The following GLCCI1 variants were observed in gnomAD, a reference collection of about 807,000 sequenced individuals.
GLCCI1 encodes glucocorticoid-induced transcript 1 protein.
Under a neutral mutation model 52.2 loss-of-function variants are expected in GLCCI1, and 24 were observed. That is an observed-to-expected ratio of 0.46 (90% CI 0.33 to 0.65). GLCCI1 has a LOEUF of 0.65. Among genes scored for constraint, GLCCI1 ranks in the 30% least tolerant of loss-of-function variants. The pLI, the probability that GLCCI1 is intolerant of heterozygous loss-of-function variation, is 0.02. For missense variants in GLCCI1, 704 were observed against 701.5 expected (o/e 1.00, Z -0.04); for synonymous variants, 310 against 276.5 (o/e 1.12, Z -1.20).
chr7:8,009,223 A>G (rs1012027743), intron 2 of GLCCI1, among the ~76,000 whole-genome samples: 2 of 152,230 alleles, frequency 1.3e-5, no homozygotes, highest in African/African-American at 4.8e-5. Context: ...TTTTAAAACA[A>G]AAAATGTATT....
chr7:8,030,528 A>G (rs1469739862), intron 3 of GLCCI1, among the ~76,000 whole-genome samples: 2 of 152,182 alleles, frequency 1.3e-5, no homozygotes, highest in Non-Finnish European at 2.9e-5. Context: ...CAAAGCAAAA[A>G]TGGAAAAATG....
rs1292582838 is a variant in GLCCI1 at position 8,060,521 on chromosome 7, A to G, written c.966+273A>G. ...GTAATACTCTTGGCCCTAGGCGGTC[A>G]CTAATCTGTTGATGGATTTTTTGCT... On this transcript the variant is annotated intron_variant, in intron 5 of 7. Coordinates refer to ENST00000223145, the MANE Select transcript of GLCCI1 (RefSeq NM_138426.4). Among the ~76,000 whole-genome samples the G allele has an allele frequency of 2.0e-5, 3 of 152,336 alleles. 1 individual carries two copies. The highest frequency in any genetic ancestry group is 4.4e-5 in the Non-Finnish European group (3 of 68,018).
chr7:7,980,641 G>C, intron 1 of GLCCI1: 2 of 812,658 alleles, frequency 2.5e-6, no homozygotes, highest in Non-Finnish European at 4.1e-6. Flanking sequence ...GACAGAAAAC[G>C]TCCCAAGAAT....
chr7:8,063,023 GA>G (rs1416796263), intron 5 of GLCCI1, among the ~76,000 whole-genome samples: 1 of 152,162 alleles, frequency 6.6e-6, no homozygotes, highest in Non-Finnish European at 1.5e-5. Flanking sequence ...ATTCTGCTTT[GA>G]GTTGAGAAAT....
Position 8,073,985 on chromosome 7 carries a change from A to T in GLCCI1, c.1177+2854A>T, listed in dbSNP as rs1782821961. On this transcript the variant is annotated intron_variant, in intron 6 of 7. Coordinates refer to ENST00000223145, the MANE Select transcript of GLCCI1 (RefSeq NM_138426.4). ...ATACCATCTTTATAAAGAGAAAATT[A>T]AAATAGCACCTATCCCTTTTATATA... Among the ~76,000 whole-genome samples the T allele has an allele frequency of 2.0e-5, 3 of 152,234 alleles. No individual in the cohort carries two copies. In the South Asian group the frequency reaches 6.2e-4, roughly 31 times the overall value.
chr7:8,044,505 G>C (rs1159592157), intron 3 of GLCCI1, among the ~76,000 whole-genome samples: 2 of 151,800 alleles, frequency 1.3e-5, no homozygotes, highest in African/African-American at 2.4e-5. Flanking sequence ...TGAGTATCTG[G>C]GACTATAGGC....
At position 8,086,634 on chromosome 7, in the gene GLCCI1, C is replaced by T; in HGVS notation, c.*96C>T. 7.8e-6 allele frequency: 7 copies of T among 895,242 alleles called. No homozygotes were observed. Among genetic ancestry groups the T allele is most frequent in the Non-Finnish European group, 1.0e-5 (6 of 577,538 alleles). The allele number at this position is 895,242 out of a possible 1,614,324, so 55.5% of individuals were successfully genotyped here. ...ACAAACTTTCTGAACACCACCACCA[C>T]CAATAATACTTATCAGCATCATAAA... On this transcript the variant is annotated 3_prime_UTR_variant, in exon 8 of 8. Transcript: ENST00000223145. This position sits in a 1 kb window ranked among gnomAD's most constrained non-coding sequence, Gnocchi z 4.4.
chr7:7,984,420 A>G (rs952428510), intron 1 of GLCCI1, among the ~76,000 whole-genome samples: 1 of 152,180 alleles, frequency 6.6e-6, no homozygotes, highest in African/African-American at 2.4e-5. Flanking sequence ...TCTTCAAGTT[A>G]AAAATTCTGA....
At chr7:8,051,942 T>G (rs1216600834) in intron 3 of GLCCI1, among the ~76,000 whole-genome samples, 1 of 152,258 alleles carries the variant, frequency 6.6e-6, no homozygotes, top group African/African-American at 2.4e-5. Context: ...TATCTCTGTC[T>G]TCTTTTTCAA....
At chr7:7,973,582 T>C (rs1780400017) in intron 1 of GLCCI1, among the ~76,000 whole-genome samples, 1 of 152,138 alleles carries the variant, frequency 6.6e-6, no homozygotes, top group Admixed American at 6.5e-5. Context: ...GAGCTTGTAA[T>C]TTATATAGCT....
At chr7:8,045,174 C>T (rs1782092879) in intron 3 of GLCCI1, among the ~76,000 whole-genome samples, 1 of 152,192 alleles carries the variant, frequency 6.6e-6, no homozygotes, top group Non-Finnish European at 1.5e-5. Flanking sequence ...ATTTACCCAA[C>T]GGTTCCAGTG....
intron 3 of GLCCI1, among the ~76,000 whole-genome samples, chr7:8,031,305 C>T (rs1312401964): frequency 6.6e-6 from 1 of 152,062 alleles, no homozygotes; most frequent in Non-Finnish European, 1.5e-5. Context: ...GAAAGACAAA[C>T]ATTGCATGTT....
rs1780290583 is a variant in GLCCI1, at chr7:7,969,479, G to GGGCGGT, written c.134_135insTGGCGG (p.Gly47_Gly48dup). Reference sequence around the variant, plus strand: ...CCGCCGCCGGGAGCGGGAACGGTGCGGGCGGCGGCGGCGGCGTGGGCTGCG... The same window carrying GGGCGGT: ...CCGCCGCCGGGAGCGGGAACGGTGCGGGCGGTGGCGGCGGCGGCGGCGTGGGCTGCG... On this transcript the variant is annotated inframe_insertion, in exon 1 of 8. Transcript: ENST00000223145. The surrounding 1 kb of genome is among the most constrained non-coding windows in gnomAD (Gnocchi z 4.9). 1.6e-5 allele frequency: 17 copies of GGGCGGT among 1,031,782 alleles called. No homozygotes were observed. Among genetic ancestry groups the GGGCGGT allele is most frequent in the Non-Finnish European group, 1.9e-5 (16 of 861,910 alleles). 63.9% of individuals were successfully genotyped at this position (1,031,782 alleles called of 1,614,324 possible). A position where few individuals can be genotyped will look rare whatever the true frequency, so the allele number is the denominator to read the frequency against.
At chr7:7,995,231 T>C (rs902434920) in intron 1 of GLCCI1, among the ~76,000 whole-genome samples, 2 of 152,220 alleles carry the variant, frequency 1.3e-5, no homozygotes, top group African/African-American at 4.8e-5. Flanking sequence ...ACTTTAATTA[T>C]CAAGGTGTTT....
intron 1 of GLCCI1, among the ~76,000 whole-genome samples, chr7:7,973,796 A>G (rs1432217345): frequency 1.3e-5 from 2 of 152,080 alleles, no homozygotes; most frequent in African/African-American, 4.8e-5. Context: ...ACTCCATGTA[A>G]TATATGTTTG....
In GLCCI1 at chr7:8,087,654, T is replaced by C. The variant is rs1287542668; in HGVS notation, c.*1116T>C. The C allele has an allele frequency of 6.6e-6, 1 of 152,646 alleles. No individual in the cohort carries two copies. The highest frequency in any genetic ancestry group is 2.4e-5 in the African/African-American group (1 of 41,460). The allele number at this position is 152,646 out of a possible 1,614,324, so 9.5% of individuals were successfully genotyped here. A position where few individuals can be genotyped will look rare whatever the true frequency, so the allele number is the denominator to read the frequency against. The stretch of plus-strand genomic sequence containing the variant: ...TGAAAAAGTGACATACTTTTTGTTA[T>C]TGTCTTCCTCAAGCAGTTTAGGTGC... On this transcript the variant is annotated 3_prime_UTR_variant, in exon 8 of 8. Transcript: ENST00000223145.
chr7:8,079,882 T>C (rs1782960032), intron 6 of GLCCI1, among the ~76,000 whole-genome samples: 1 of 151,610 alleles, frequency 6.6e-6, no homozygotes, highest in African/African-American at 2.4e-5. Context: ...ATGTCATTTT[T>C]CCCCTGTACT....
Position 7,969,287 on chromosome 7 carries a change from C to A in GLCCI1, c.-64C>A. 1 of 1,330,832 alleles carries A rather than the reference C, an allele frequency of 7.5e-7. No homozygotes were observed. The highest frequency in any genetic ancestry group is 9.7e-7 in the Non-Finnish European group (1 of 1,029,426). The allele number at this position is 1,330,832 out of a possible 1,614,324, so 82.4% of individuals were successfully genotyped here. On this transcript the variant is annotated 5_prime_UTR_variant, in exon 1 of 8. Transcript: ENST00000223145. This position sits in a 1 kb window ranked among gnomAD's most constrained non-coding sequence, Gnocchi z 4.9. Reference sequence around the variant, plus strand: ...GCACTATCGCGCCGGCTCCCACACGCTCGCGCGCCTCCCGCCCCGCGCCTC... The same window carrying A: ...GCACTATCGCGCCGGCTCCCACACGATCGCGCGCCTCCCGCCCCGCGCCTC...
intron 3 of GLCCI1, among the ~76,000 whole-genome samples, chr7:8,033,576 G>A (rs1281148828): frequency 6.6e-6 from 1 of 151,924 alleles, no homozygotes; most frequent in Non-Finnish European, 1.5e-5. Context: ...TCAACATACA[G>A]AGATCAATTA....
Sources: allele counts gnomAD v4.1 joint callset (sites outside exome capture counted in the v4.1 genomes callset), GRCh38; gene constraint gnomAD v4.1.1; non-coding constraint Gnocchi (gnomAD v3.1); transcripts MANE v1.5; gene names NCBI Gene and HGNC (gene_info 2026-07-23, HGNC 2026-07-21).